The following CSMD1 variants were observed in gnomAD, a reference collection of about 807,000 sequenced individuals.
The protein encoded by CSMD1 is CUB and sushi domain-containing protein 1.
A neutral mutation model predicts 417.5 loss-of-function variants in CSMD1; 213 were observed. The ratio of observed to expected loss-of-function variants is 0.51; its 90% CI spans 0.46 to 0.57. The LOEUF is 0.57. Among genes scored for constraint, CSMD1 ranks in the 20% least tolerant of loss-of-function variants. The pLI is 0.00. For synonymous variants in CSMD1, 2,862 were observed against 1,736.8 expected (o/e 1.65, Z -16.11); for missense variants, 6,923 against 4,529.7 (o/e 1.53, Z -15.17).
intron 8 of CSMD1, among the ~76,000 whole-genome samples, chr8:3,589,113 C>A (rs76871963): frequency 6.6e-6 from 1 of 151,964 alleles, no homozygotes; most frequent in African/African-American, 2.4e-5. Flanking sequence ...AAAAGGGAAC[C>A]CTTGTACATT....
At chr8:3,988,001 G>C (rs191533405) in intron 5 of CSMD1, among the ~76,000 whole-genome samples, 19 of 152,282 alleles carry the variant, frequency 1.2e-4, no homozygotes, top group Admixed American at 3.3e-4. Flanking sequence ...CTTGAAAAGA[G>C]CTCAAAATGA....
At chr8:2,984,137 C>T (rs1304296884) in intron 54 of CSMD1, among the ~76,000 whole-genome samples, 13 of 152,140 alleles carry the variant, frequency 8.5e-5, no homozygotes, top group Non-Finnish European at 1.5e-4. Context: ...ACTTTCCATA[C>T]ATTTGGAGGT....
chr8:4,715,725 G>C (rs1203373138), intron 1 of CSMD1, among the ~76,000 whole-genome samples: 1 of 152,016 alleles, frequency 6.6e-6, no homozygotes, highest in Non-Finnish European at 1.5e-5. Flanking sequence ...ATCACCCTCA[G>C]CCCCTCTCTT....
At chr8:3,698,712 T>C (rs1390850590) in intron 7 of CSMD1, among the ~76,000 whole-genome samples, 1 of 152,234 alleles carries the variant, frequency 6.6e-6, no homozygotes, top group Non-Finnish European at 1.5e-5. Flanking sequence ...AAGCAAAATG[T>C]GTTTCTCACA....
intron 3 of CSMD1, among the ~76,000 whole-genome samples, chr8:4,288,972 C>T (rs1420724882): frequency 2.0e-5 from 3 of 152,028 alleles, no homozygotes; most frequent in Admixed American, 1.3e-4. Flanking sequence ...AATGGTGATA[C>T]GTGCATAAAA....
chr8:3,111,881 G>C (rs1021346365), intron 42 of CSMD1, among the ~76,000 whole-genome samples: 3 of 152,010 alleles, frequency 2.0e-5, no homozygotes, highest in African/African-American at 7.2e-5. Context: ...CCCATAACAA[G>C]CTACTTTTGT....
intron 5 of CSMD1, among the ~76,000 whole-genome samples, chr8:3,941,660 A>T (rs1170603745): frequency 4.6e-5 from 7 of 152,180 alleles, no homozygotes; most frequent in Non-Finnish European, 1.0e-4. Flanking sequence ...TTCAACTGCA[A>T]GCCCACGCAG....
intron 51 of CSMD1, among the ~76,000 whole-genome samples, chr8:3,025,002 G>A (rs1809746346): frequency 6.6e-6 from 1 of 151,578 alleles, no homozygotes; most frequent in East Asian, 1.9e-4. Context: ...ATTGTGTGGT[G>A]TTATTCTGAA....
chr8:4,559,143 G>C (rs1798219095), intron 2 of CSMD1, among the ~76,000 whole-genome samples: 1 of 152,102 alleles, frequency 6.6e-6, no homozygotes, highest in Non-Finnish European at 1.5e-5. Context: ...GCCCTTGCTT[G>C]GAATCAAGAT....
chr8:3,496,237 T>A (rs1437146161), intron 10 of CSMD1, among the ~76,000 whole-genome samples: 1 of 152,242 alleles, frequency 6.6e-6, no homozygotes, highest in African/African-American at 2.4e-5. Context: ...CTGCCGACTC[T>A]GTCCAAGAAA....
chr8:4,317,615 GAA>G (rs1799010524), intron 3 of CSMD1, among the ~76,000 whole-genome samples: 2 of 330 alleles, frequency 6.1e-3, no homozygotes, highest in African/African-American at 0.022. Context: ...GAGAGAGAGA[GAA>G]AGAGAGAGAG....
At chr8:4,586,773 C>T (rs1486450857) in intron 2 of CSMD1, among the ~76,000 whole-genome samples, 3 of 152,208 alleles carry the variant, frequency 2.0e-5, no homozygotes, top group African/African-American at 7.2e-5. Context: ...ATGGCACTTT[C>T]TGTGCTCCTC....
intron 5 of CSMD1, among the ~76,000 whole-genome samples, chr8:3,814,942 C>G (rs1209832724): frequency 6.6e-6 from 1 of 151,984 alleles, no homozygotes; most frequent in Non-Finnish European, 1.5e-5. Context: ...CTGAAGTCAG[C>G]CATCCCAAAA....
At chr8:4,435,223 G>A (rs550166954) in intron 2 of CSMD1, among the ~76,000 whole-genome samples, 1 of 152,028 alleles carries the variant, frequency 6.6e-6, no homozygotes, top group African/African-American at 2.4e-5. Flanking sequence ...CTGATCTTTG[G>A]AAAATTAAAC....
intron 1 of CSMD1, among the ~76,000 whole-genome samples, chr8:4,931,569 T>TCA (rs1161304252): frequency 1.5e-5 from 2 of 131,346 alleles, no homozygotes; most frequent in Middle Eastern, 4.2e-3. Flanking sequence ...ATAGCTGATT[T>TCA]CAAGAAAAAA....
At chr8:3,250,213 C>T (rs944287405) in intron 26 of CSMD1, among the ~76,000 whole-genome samples, 10 of 152,156 alleles carry the variant, frequency 6.6e-5, no homozygotes, top group Non-Finnish European at 1.5e-4. Context: ...CCCTGATCCC[C>T]CCACCCCACA....
chr8:3,957,967 A>G (rs1812079005), intron 5 of CSMD1, among the ~76,000 whole-genome samples: 1 of 152,118 alleles, frequency 6.6e-6, no homozygotes, highest in African/African-American at 2.4e-5. Context: ...ATTTGAAAAT[A>G]TTTTTACTTT....
At position 4,845,048 on chromosome 8, in the gene CSMD1, T is replaced by C. The variant is rs73659208; in HGVS notation, c.85+149284A>G. Among the ~76,000 whole-genome samples, 565 of 135,874 alleles carry C rather than the reference T, an allele frequency of 4.2e-3. 2 individuals carry two copies. The highest frequency in any genetic ancestry group is 0.015 in the African/African-American group (549 of 36,174). The allele number at this position is 135,874 out of a possible 152,430, so 89.1% of individuals were successfully genotyped here. On this transcript the variant is annotated intron_variant, in intron 1 of 69. Coordinates refer to ENST00000635120, the MANE Select transcript of CSMD1 (RefSeq NM_033225.6). ...ACATGCATATTTACAAATTAAGTTC[T>C]ACTAAATAATGTAAAAACTATCTAT... is the stretch of plus-strand genomic sequence containing the variant.
chr8:4,562,948 A>C (rs1372894176), intron 2 of CSMD1, among the ~76,000 whole-genome samples: 3 of 152,218 alleles, frequency 2.0e-5, no homozygotes, highest in African/African-American at 7.2e-5. Flanking sequence ...TTTCTTAAAC[A>C]GAAGTTGTCA....
Sources: gnomAD v4.1 joint callset for allele counts (sites outside exome capture counted in the v4.1 genomes callset) on GRCh38, gnomAD v4.1.1 for gene constraint, MANE v1.5 for transcripts, NCBI Gene and HGNC (gene_info 2026-07-23, HGNC 2026-07-21) for gene names.